The following CLIC4 variants were observed in gnomAD, a reference collection of about 807,000 sequenced individuals.
CLIC4 encodes the protein chloride intracellular channel protein 4.
CLIC4 carries 13 observed loss-of-function variants against 24.6 expected under a neutral mutation model. The ratio of observed to expected loss-of-function variants is 0.53; its 90% CI spans 0.34 to 0.84. The LOEUF (loss-of-function observed/expected upper bound fraction) is 0.84, where lower values mean the gene tolerates loss of function less well. Among genes scored for constraint, CLIC4 ranks in the 40% least tolerant of loss-of-function variants. The pLI is 0.01. For synonymous variants in CLIC4, 104 were observed against 111.3 expected (o/e 0.93, Z 0.41); for missense variants, 227 against 301.7 (o/e 0.75, Z 1.83).
At chr1:24,774,870 A>G (rs985914685) in intron 1 of CLIC4, among the ~76,000 whole-genome samples, 9 of 152,200 alleles carry the variant, frequency 5.9e-5, no homozygotes, top group Admixed American at 2.6e-4. Flanking sequence ...CAGGAATTCA[A>G]GACCAGCCTG....
At chr1:24,760,990 G>A (rs944074875) in intron 1 of CLIC4, among the ~76,000 whole-genome samples, 1 of 152,160 alleles carries the variant, frequency 6.6e-6, no homozygotes, top group African/African-American at 2.4e-5. Context: ...TGAGATGATG[G>A]TGGCTTGGAA....
chr1:24,761,233 A>G (rs2124089958), intron 1 of CLIC4, among the ~76,000 whole-genome samples: 1 of 152,300 alleles, frequency 6.6e-6, no homozygotes, highest in Non-Finnish European at 1.5e-5. Flanking sequence ...TGTTAAATTC[A>G]AATTTATTAA....
intron 2 of CLIC4, among the ~76,000 whole-genome samples, chr1:24,804,140 AAT>A (rs1348235201): frequency 2.0e-5 from 3 of 152,074 alleles, no homozygotes; most frequent in African/African-American, 7.2e-5. Flanking sequence ...CAGCAGCATG[AAT>A]GACACATGCC....
intron 2 of CLIC4, among the ~76,000 whole-genome samples, chr1:24,802,310 A>G (rs1639500037): frequency 2.0e-5 from 3 of 152,216 alleles, no homozygotes; most frequent in African/African-American, 7.2e-5. Flanking sequence ...GTTGATTGAT[A>G]TTTGCAGATT....
chr1:24,755,556 C>T (rs1050865445), intron 1 of CLIC4, among the ~76,000 whole-genome samples: 1 of 151,226 alleles, frequency 6.6e-6, no homozygotes, highest in Non-Finnish European at 1.5e-5. Context: ...CTGCAATGAG[C>T]TATGATTGTG....
At chr1:24,788,185 G>A (rs575860545) in intron 1 of CLIC4, among the ~76,000 whole-genome samples, 7 of 151,460 alleles carry the variant, frequency 4.6e-5, no homozygotes, top group Admixed American at 4.6e-4. Flanking sequence ...ATGGGGTTTC[G>A]CTATATGTTG....
intron 1 of CLIC4, among the ~76,000 whole-genome samples, chr1:24,752,214 A>G (rs969352071): frequency 6.6e-6 from 1 of 152,102 alleles, no homozygotes; most frequent in Admixed American, 6.6e-5. Context: ...AATAATAGCA[A>G]TTTTATATGG....
chr1:24,840,914 G>A lies in CLIC4; in HGVS notation c.739G>A (p.Val247Ile). The change falls in exon 6 of 6, where the codon GTA becomes ATA. Residue 247 changes from valine to isoleucine, a missense_variant. By Grantham distance (29) the Val-to-Ile change is conservative (BLOSUM62 3). Coordinates refer to ENST00000374379, the MANE Select transcript of CLIC4 (RefSeq NM_013943.3). ...DKEVEIAYSD[V>I]AKRLTK is the part of the protein sequence containing the mutation. ...GGAGGTTGAAATAGCATATAGTGAT[G>A]TAGCCAAAAGACTCACCAAGTAAAA... is the stretch of plus-strand genomic sequence containing the variant. 6.3e-7 allele frequency: 1 copy of A among 1,595,306 alleles called. No individual in the cohort carries two copies. The highest frequency in any genetic ancestry group is 8.5e-7 in the Non-Finnish European group (1 of 1,172,522).
rs1305363131 is a variant in CLIC4, at chr1:24,818,377, C to A, written c.308+4158C>A. ...TCTTGGCTCACTACAACCTCTGCCT[C>A]CTGGGTTCAAGTGATTCTTGTGCTT... On this transcript the variant is annotated intron_variant, in intron 3 of 5. Coordinates refer to ENST00000374379, the MANE Select transcript of CLIC4 (RefSeq NM_013943.3). Among the ~76,000 whole-genome samples, 14 of 152,164 alleles carry A rather than the reference C, an allele frequency of 9.2e-5. No individual in the cohort carries two copies. The East Asian group carries it at 2.7e-3, about 29-fold the overall frequency.
At chr1:24,767,044 A>AAAAAAAAAAAG (rs1639009778) in intron 1 of CLIC4, among the ~76,000 whole-genome samples, 4 of 141,614 alleles carry the variant, frequency 2.8e-5, no homozygotes, top group East Asian at 2.1e-4. Flanking sequence ...AAAAAAAAAA[A>AAAAAAAAAAAG]AAAAGAAAAA....
intron 2 of CLIC4, among the ~76,000 whole-genome samples, chr1:24,813,821 T>A (rs1639641116): frequency 1.3e-5 from 2 of 152,104 alleles, no homozygotes; most frequent in Admixed American, 1.3e-4. Flanking sequence ...CAGGCTCAAG[T>A]GATCCTTCCA....
At chr1:24,785,550 T>C (rs1639256498) in intron 1 of CLIC4, among the ~76,000 whole-genome samples, 1 of 152,100 alleles carries the variant, frequency 6.6e-6, no homozygotes, top group African/African-American at 2.4e-5. Flanking sequence ...AGCATGTGTT[T>C]AGCAAAAATT....
chr1:24,787,141 G>T (rs1285649446), intron 1 of CLIC4, among the ~76,000 whole-genome samples: 2 of 152,020 alleles, frequency 1.3e-5, no homozygotes, highest in Non-Finnish European at 2.9e-5. Context: ...TCTCAGACTG[G>T]TTTTCTAATT....
At chr1:24,822,444 G>A (rs1038016913) in intron 3 of CLIC4, among the ~76,000 whole-genome samples, 18 of 147,658 alleles carry the variant, frequency 1.2e-4, no homozygotes, top group African/African-American at 4.5e-4. Context: ...CACTTGCCAG[G>A]TTGAAGCAAT....
intron 1 of CLIC4, among the ~76,000 whole-genome samples, chr1:24,753,479 T>C (rs1638804961): frequency 6.6e-6 from 1 of 152,142 alleles, no homozygotes; most frequent in Non-Finnish European, 1.5e-5. Context: ...GAAGGAGGCT[T>C]AAACTTGACC....
chr1:24,808,087 C>T (rs1038556827), intron 2 of CLIC4, among the ~76,000 whole-genome samples: 26 of 152,130 alleles, frequency 1.7e-4, no homozygotes, highest in African/African-American at 6.3e-4. Context: ...ACTGGGATTA[C>T]AGGCGTGCGC....
chr1:24,795,949 A>G (rs1323304619), intron 1 of CLIC4, among the ~76,000 whole-genome samples: 1 of 152,214 alleles, frequency 6.6e-6, no homozygotes, highest in East Asian at 1.9e-4. Context: ...CTTACGAAGA[A>G]TACTGTCTGA....
intron 2 of CLIC4, 32 bp from the exon 3 acceptor site, chr1:24,814,062 G>C (rs776090563): frequency 6.2e-7 from 1 of 1,611,564 alleles, no homozygotes. Context: ...AGTAAAAAAT[G>C]ATCTGATTTT....
At chr1:24,758,809 A>T (rs1008219302) in intron 1 of CLIC4, among the ~76,000 whole-genome samples, 2 of 151,402 alleles carry the variant, frequency 1.3e-5, no homozygotes, top group Non-Finnish European at 2.9e-5. Flanking sequence ...ATTTATTTTT[A>T]TTTTTATTTT....
Sources: allele counts gnomAD v4.1 joint callset (sites outside exome capture counted in the v4.1 genomes callset), GRCh38; gene constraint gnomAD v4.1.1; transcripts MANE v1.5; gene names NCBI Gene and HGNC (gene_info 2026-07-23, HGNC 2026-07-21).